Variants in TCF19 observed in about 807,000 individuals in gnomAD.
The protein encoded by TCF19 is transcription factor SC1.
A neutral mutation model predicts 18.3 loss-of-function variants in TCF19; 9 were observed. The ratio of observed to expected loss-of-function variants is 0.49; its 90% CI spans 0.30 to 0.86. The LOEUF is 0.86. TCF19 is among the 40% of genes least tolerant of loss of function. TCF19 has a pLI of 0.07. For missense variants in TCF19, 376 were observed against 464.3 expected, an observed-to-expected ratio of 0.81 and a Z score of 1.75; for synonymous variants, 176 against 185.3, an observed-to-expected ratio of 0.95 and a Z score of 0.41.
Position 31,163,125 on chromosome 6 carries a change from C to G in TCF19, c.*408C>G. ...AAGGCATTCTGGGAAAACCTAGGGCCTGGCCCCAAAACTTCCCTACTCTGT... is the reference window on the plus strand; with the variant it reads ...AAGGCATTCTGGGAAAACCTAGGGCGTGGCCCCAAAACTTCCCTACTCTGT... On this transcript the variant is annotated 3_prime_UTR_variant, in exon 4 of 4. Coordinates refer to ENST00000376257, the MANE Select transcript of TCF19 (RefSeq NM_007109.3). The G allele has an allele frequency of 1.9e-6, 2 of 1,034,244 alleles. No homozygotes were observed. Among genetic ancestry groups the G allele is most frequent in the South Asian group, 8.2e-5 (2 of 24,252 alleles). 64.1% of individuals were successfully genotyped at this position (1,034,244 alleles called of 1,614,324 possible).
At position 31,163,665 on chromosome 6, in the gene TCF19, C is replaced by T. The variant is rs923380671; in HGVS notation, c.*948C>T. 1.3e-5 allele frequency: 13 copies of T among 985,328 alleles called. No individual in the cohort carries two copies. Among genetic ancestry groups the T allele is most frequent in the African/African-American group, 7.0e-5 (4 of 57,222 alleles). The allele number at this position is 985,328 out of a possible 1,614,324, so 61.0% of individuals were successfully genotyped here. On this transcript the variant is annotated 3_prime_UTR_variant, in exon 4 of 4. Transcript: ENST00000376257. The stretch of plus-strand genomic sequence containing the variant: ...TGGCCTGGTTCAGTGTGAATCAAAC[C>T]GCTTAACCCACACATGGTACATGTG...
intron 2 of TCF19, among the ~76,000 whole-genome samples, chr6:31,160,622 G>A (rs1307726033): frequency 2.0e-5 from 3 of 152,024 alleles, no homozygotes. Flanking sequence ...AGCCAGGTGT[G>A]GTGGCGTGCA....
Position 31,163,180 on chromosome 6 carries a change from C to T in TCF19, c.*463C>T, listed in dbSNP as rs998276092. On this transcript the variant is annotated 3_prime_UTR_variant, in exon 4 of 4. Coordinates refer to ENST00000376257, the MANE Select transcript of TCF19 (RefSeq NM_007109.3). ...AGTCCTGCTGCCAACAAAATCGTAG[C>T]GACCTGGCTTTTCACAGCTTTGCTT... 2.6e-5 allele frequency: 26 copies of T among 1,000,908 alleles called. No homozygotes were observed. The highest frequency in any genetic ancestry group is 1.0e-4 in the African/African-American group (6 of 57,694). 62.0% of individuals were successfully genotyped at this position (1,000,908 alleles called of 1,614,324 possible).
At position 31,162,952 on chromosome 6, in the gene TCF19, G is replaced by A; in HGVS notation, c.*235G>A. ...ACCTCCAGGAAATTGCCAGTGAGCT[G>A]GAAGTTCCCACTATTACAAGCCATA... On this transcript the variant is annotated 3_prime_UTR_variant, in exon 4 of 4. Coordinates refer to ENST00000376257, the MANE Select transcript of TCF19 (RefSeq NM_007109.3). The surrounding 1 kb of genome is among the most constrained non-coding windows in gnomAD (Gnocchi z 4.5). The A allele has an allele frequency of 1.4e-6, 2 of 1,404,732 alleles. No homozygotes were observed. The highest frequency in any genetic ancestry group is 9.2e-7 in the Non-Finnish European group (1 of 1,084,498). The allele number at this position is 1,404,732 out of a possible 1,614,324, so 87.0% of individuals were successfully genotyped here.
Position 31,162,657 on chromosome 6 carries a change from C to T in TCF19, c.978C>T (p.Ile326=). 6.2e-7 allele frequency: 1 copy of T among 1,612,856 alleles called. No individual in the cohort carries two copies. The highest frequency in any genetic ancestry group is 8.5e-7 in the Non-Finnish European group (1 of 1,180,012). Reference sequence around the variant, plus strand: ...ATGTGGCCTGTGTTGGCTGCAGCATCCAGGCTGCCAGGGAGGCCGACTTCC... The same window carrying T: ...ATGTGGCCTGTGTTGGCTGCAGCATTCAGGCTGCCAGGGAGGCCGACTTCC... ...WFHVACVGCS[I]QAAREADFRC... The change falls in exon 4 of 4, where the codon ATC becomes ATT. Residue 326 remains isoleucine (I), a synonymous_variant. Transcript: ENST00000376257. This position sits in a 1 kb window ranked among gnomAD's most constrained non-coding sequence, Gnocchi z 4.5.
At position 31,162,793 on chromosome 6, in the gene TCF19, A is replaced by ACC; in HGVS notation, c.*81_*82dup. The ACC allele has an allele frequency of 1.3e-6, 2 of 1,539,524 alleles. No individual in the cohort carries two copies. The highest frequency in any genetic ancestry group is 1.2e-5 in the South Asian group (1 of 81,090). The stretch of plus-strand genomic sequence containing the variant: ...CAGCGAGCAAATAGGTCTGATAAAT[A>ACC]CCCCCCTTCCCTTCCCTCCCCAGGA... On this transcript the variant is annotated 3_prime_UTR_variant, in exon 4 of 4. Coordinates refer to ENST00000376257, the MANE Select transcript of TCF19 (RefSeq NM_007109.3). This position sits in a 1 kb window ranked among gnomAD's most constrained non-coding sequence, Gnocchi z 4.5.
Position 31,163,796 on chromosome 6 carries a change from C to T in TCF19, c.*1079C>T. The T allele has an allele frequency of 1.0e-6, 1 of 980,952 alleles. No homozygotes were observed. Among genetic ancestry groups the T allele is most frequent in the Non-Finnish European group, 1.2e-6 (1 of 829,152 alleles). The allele number at this position is 980,952 out of a possible 1,614,324, so 60.8% of individuals were successfully genotyped here. ...GTTCTATTAAAACCTGCCACACCCG[C>T]CCTTTCCTACCTAGATTTAATGAGC... On this transcript the variant is annotated 3_prime_UTR_variant, in exon 4 of 4. Coordinates refer to ENST00000376257, the MANE Select transcript of TCF19 (RefSeq NM_007109.3).
Position 31,159,501 on chromosome 6 carries a change from G to T in TCF19, c.32G>T (p.Gly11Val). The T allele has an allele frequency of 6.3e-7, 1 of 1,587,482 alleles. No individual in the cohort carries two copies. Among genetic ancestry groups the T allele is most frequent in the Non-Finnish European group, 8.6e-7 (1 of 1,167,516 alleles). Reference sequence around the variant, plus strand: ...CCCTGCTTCCAACTGCTGCGCATAGGGGGCGGCAGGGGCGGTGATCTCTAC... The same window carrying T: ...CCCTGCTTCCAACTGCTGCGCATAGTGGGCGGCAGGGGCGGTGATCTCTAC... MLPCFQLLRIGGGRGGDLYTF... is the reference protein window; with the variant it reads MLPCFQLLRIVGGRGGDLYTF... The change falls in exon 2 of 4, where the codon GGG (glycine) becomes GTG (valine). Residue 11 changes from glycine to valine, a missense_variant. Transcript: ENST00000376257.
rs2151094555 is a variant in TCF19 at position 31,161,973 on chromosome 6, C to A, written c.765C>A (p.Leu255=). ...PPVLMEPRKK[L]RVDKAPLTPT... Reference sequence around the variant, plus strand: ...TCCTTATGGAGCCCAGGAAGAAACTCCGTGTAGACAAAGCCCCACTGACTC... The same window carrying A: ...TCCTTATGGAGCCCAGGAAGAAACTACGTGTAGACAAAGCCCCACTGACTC... The change falls in exon 3 of 4, where the codon CTC becomes CTA. Residue 255 remains leucine, a synonymous_variant. Transcript: ENST00000376257. The A allele has an allele frequency of 6.2e-7, 1 of 1,612,158 alleles. No individual in the cohort carries two copies. The highest frequency in any genetic ancestry group is 2.2e-5 in the East Asian group (1 of 44,868).
Position 31,162,676 on chromosome 6 carries a change from G to A in TCF19, c.997G>A (p.Asp333Asn), listed in dbSNP as rs780773179. 26 of 1,612,322 alleles carry A rather than the reference G, an allele frequency of 1.6e-5. No individual in the cohort carries two copies. The highest frequency in any genetic ancestry group is 2.2e-5 in the East Asian group (1 of 44,882). The change falls in exon 4 of 4, where the codon GAC becomes AAC. Residue 333 changes from aspartate to asparagine, a missense_variant. Asp to Asn is a conservative substitution (Grantham distance 23, BLOSUM62 1). Coordinates refer to ENST00000376257, the MANE Select transcript of TCF19 (RefSeq NM_007109.3). This position sits in a 1 kb window ranked among gnomAD's most constrained non-coding sequence, Gnocchi z 4.5. ...GCSIQAAREA[D>N]FRCPGCRAGI... ...CAGCATCCAGGCTGCCAGGGAGGCC[G>A]ACTTCCGATGCCCAGGGTGCCGGGC...
rs753467212 is a variant in TCF19, at chr6:31,159,682, C to T, written c.213C>T (p.Val71=). 1.9e-6 allele frequency: 3 copies of T among 1,614,158 alleles called. No homozygotes were observed. Among genetic ancestry groups the T allele is most frequent in the Non-Finnish European group, 1.7e-6 (2 of 1,180,050 alleles). ...HAEPRGDDWR[V]SLEDHSSQGT... is the part of the protein sequence containing the mutation. ...AGCCCCGGGGTGATGACTGGAGGGT[C>T]AGCCTGGAAGACCACAGCAGCCAAG... The change falls in exon 2 of 4, where the codon GTC becomes GTT. Residue 71 remains valine (V), a synonymous_variant. Transcript: ENST00000376257.
rs935797793 is a variant in TCF19 at position 31,159,055 on chromosome 6, C to G, written c.-415C>G. On this transcript the variant is annotated 5_prime_UTR_variant, in exon 2 of 4. Coordinates refer to ENST00000376257, the MANE Select transcript of TCF19 (RefSeq NM_007109.3). ...ACAGAGGTGATGTGTTCGTATTGCA[C>G]GTAGACGTGTGTATAACAGGACCTC... The G allele has an allele frequency of 2.6e-4, 55 of 214,304 alleles. No homozygotes were observed. Among genetic ancestry groups the G allele is most frequent in the African/African-American group, 1.1e-3 (46 of 43,274 alleles). The allele number at this position is 214,304 out of a possible 1,614,324, so 13.3% of individuals were successfully genotyped here. A position where few individuals can be genotyped will look rare whatever the true frequency, so the allele number is the denominator to read the frequency against.
chr6:31,159,694 C>T lies in TCF19; in HGVS notation c.225C>T (p.Asp75=). Reference sequence around the variant, plus strand: ...ATGACTGGAGGGTCAGCCTGGAAGACCACAGCAGCCAAGGTGAGCATTAAG... The same window carrying T: ...ATGACTGGAGGGTCAGCCTGGAAGATCACAGCAGCCAAGGTGAGCATTAAG... The part of the protein sequence containing the change: ...RGDDWRVSLE[D]HSSQGTLVNN... Residue 75 remains aspartate, a synonymous_variant, in exon 2 of 4, where the codon GAC becomes GAT. Transcript: ENST00000376257. The T allele has an allele frequency of 6.2e-7, 1 of 1,614,126 alleles. No individual in the cohort carries two copies. The highest frequency in any genetic ancestry group is 1.7e-4 in the Middle Eastern group (1 of 6,060).
In TCF19 at chr6:31,162,772, G is replaced by A. The variant is rs954247848; in HGVS notation, c.*55G>A. 8.0e-5 allele frequency: 127 copies of A among 1,585,918 alleles called. No individual in the cohort carries two copies. Among genetic ancestry groups the A allele is most frequent in the Non-Finnish European group, 9.6e-5 (112 of 1,171,194 alleles). On this transcript the variant is annotated 3_prime_UTR_variant, in exon 4 of 4. Coordinates refer to ENST00000376257, the MANE Select transcript of TCF19 (RefSeq NM_007109.3). The surrounding 1 kb of genome is among the most constrained non-coding windows in gnomAD (Gnocchi z 4.5). Reference sequence around the variant, plus strand: ...CCTGCCCATGAGTAGACACAGCAGCGAGCAAATAGGTCTGATAAATACCCC... The same window carrying A: ...CCTGCCCATGAGTAGACACAGCAGCAAGCAAATAGGTCTGATAAATACCCC...
Position 31,163,422 on chromosome 6 carries a change from T to C in TCF19, c.*705T>C. On this transcript the variant is annotated 3_prime_UTR_variant, in exon 4 of 4. Coordinates refer to ENST00000376257, the MANE Select transcript of TCF19 (RefSeq NM_007109.3). ...AGCTGGAGGTAGGAATACAGGTAAT[T>C]AAGGTTTCTAGTTTAAGGGAAAACA... The C allele has an allele frequency of 7.1e-6, 7 of 985,448 alleles. No individual in the cohort carries two copies. The highest frequency in any genetic ancestry group is 8.4e-6 in the Non-Finnish European group (7 of 829,942). The allele number at this position is 985,448 out of a possible 1,614,324, so 61.0% of individuals were successfully genotyped here.
rs754628552 is a variant in TCF19 at position 31,161,833 on chromosome 6, G to A, written c.625G>A (p.Gly209Arg). ...PKSLPVPAPP[G>R]EMGTTPSAPP... ...GAGCCTGCCTGTTCCCGCCCCACCT[G>A]GGGAAATGGGGACCACGCCTTCTGC... Residue 209 changes from glycine (G) to arginine (R), a missense_variant, in exon 3 of 4, where the codon GGG (glycine) becomes AGG (arginine). By Grantham distance (125) the Gly-to-Arg change is moderately radical (BLOSUM62 -2). Transcript: ENST00000376257. 10 of 1,612,926 alleles carry A rather than the reference G, an allele frequency of 6.2e-6. No individual in the cohort carries two copies. The highest frequency in any genetic ancestry group is 8.5e-6 in the Non-Finnish European group (10 of 1,179,940).
rs1397369931 is a variant in TCF19, at chr6:31,158,673, C to A, written c.-623C>A. ...CCAAGGGGTCCCGGGATCCGCCGCA[C>A]AGGCTGGCACTGCTTGAAGAGGAGG... is the stretch of plus-strand genomic sequence containing the variant. On this transcript the variant is annotated 5_prime_UTR_variant, in exon 1 of 4. Coordinates refer to ENST00000376257, the MANE Select transcript of TCF19 (RefSeq NM_007109.3). The A allele has an allele frequency of 6.6e-6, 1 of 152,232 alleles. No homozygotes were observed. The highest frequency in any genetic ancestry group is 2.4e-5 in the African/African-American group (1 of 41,474). 9.4% of individuals were successfully genotyped at this position (152,232 alleles called of 1,614,324 possible). A position where few individuals can be genotyped will look rare whatever the true frequency, so the allele number is the denominator to read the frequency against.
In TCF19 at chr6:31,158,704, C is replaced by T. The variant is rs905684240; in HGVS notation, c.-592C>T. On this transcript the variant is annotated 5_prime_UTR_variant, in exon 1 of 4. Transcript: ENST00000376257. ...GGCACTGCTTGAAGAGGAGGCTACT[C>T]GGAGACTGCGCCGCGCGGGTAGATC... 6.6e-6 allele frequency: 1 copy of T among 152,314 alleles called. No homozygotes were observed. The highest frequency in any genetic ancestry group is 1.5e-5 in the Non-Finnish European group (1 of 68,116). The allele number at this position is 152,314 out of a possible 1,614,324, so 9.4% of individuals were successfully genotyped here. A position where few individuals can be genotyped will look rare whatever the true frequency, so the allele number is the denominator to read the frequency against.
rs377283864 is a variant in TCF19, at chr6:31,162,460, T to C, written c.798-17T>C. The stretch of plus-strand genomic sequence containing the variant: ...ACAGGTTTCCGGTGACCCTTGTGTC[T>C]GTGTCACTTCCTTCAGAAATCGACG... On this transcript the variant is annotated splice_polypyrimidine_tract_variant and intron_variant, in intron 3 of 3. Coordinates refer to ENST00000376257, the MANE Select transcript of TCF19 (RefSeq NM_007109.3). The surrounding 1 kb of genome is among the most constrained non-coding windows in gnomAD (Gnocchi z 4.5). 1 of 1,595,118 alleles carries C rather than the reference T, an allele frequency of 6.3e-7. No individual in the cohort carries two copies.
Sources: gnomAD v4.1 joint callset for allele counts (sites outside exome capture counted in the v4.1 genomes callset) on GRCh38, gnomAD v4.1.1 for gene constraint, Gnocchi (gnomAD v3.1) non-coding constraint, MANE v1.5 for transcripts, NCBI Gene and HGNC (gene_info 2026-07-23, HGNC 2026-07-21) for gene names.